The following CREB5 variants were observed in gnomAD, a reference collection of about 807,000 sequenced individuals.
The protein encoded by CREB5 is cAMP responsive element binding protein 5, also known as cyclic AMP-responsive element-binding protein 5.
CREB5 carries 19 observed loss-of-function variants against 57.1 expected under a neutral mutation model. The observed-to-expected ratio is 0.33, with a 90% CI of 0.23 to 0.49. The LOEUF is 0.49. Among genes scored for constraint, CREB5 ranks in the 20% least tolerant of loss-of-function variants. The probability of loss-of-function intolerance (pLI) is 0.99; values close to 1 mark genes in which losing one functional copy is unlikely to be tolerated. For synonymous variants in CREB5, 238 were observed against 238.3 expected, an observed-to-expected ratio of 1.00 and a Z score of 0.01; for missense variants, 579 against 671.6, an observed-to-expected ratio of 0.86 and a Z score of 1.52.
chr7:28,754,649 T>G (rs1241439699), intron 7 of CREB5, among the ~76,000 whole-genome samples: 1 of 152,192 alleles, frequency 6.6e-6, no homozygotes, highest in Admixed American at 6.5e-5. Flanking sequence ...ATAAGTTGGT[T>G]GCCAAGAGCA....
At chr7:28,534,498 G>C (rs1793872482) in intron 4 of CREB5, among the ~76,000 whole-genome samples, 1 of 152,174 alleles carries the variant, frequency 6.6e-6, no homozygotes, top group African/African-American at 2.4e-5. Context: ...CTGTAATCGT[G>C]GGGCCTCTCA....
intron 7 of CREB5, among the ~76,000 whole-genome samples, chr7:28,758,578 GT>G (rs1805471269): frequency 6.6e-6 from 1 of 152,170 alleles, no homozygotes. Flanking sequence ...TGCACTACCA[GT>G]CAGTAGGTCA....
chr7:28,336,690 T>C (rs2079992), intron 1 of CREB5, among the ~76,000 whole-genome samples: 120,159 of 151,964 alleles, frequency 0.79, 47,728 homozygotes, highest in African/African-American at 0.86. Flanking sequence ...TACAAATTCA[T>C]TTATTTCTGC....
intron 1 of CREB5, among the ~76,000 whole-genome samples, chr7:28,456,637 G>T (rs1790104680): frequency 6.6e-6 from 1 of 152,210 alleles, no homozygotes. Context: ...GGATGTTGTT[G>T]TAGTTCCAAA....
chr7:28,621,396 A>G (rs62443821), intron 5 of CREB5, among the ~76,000 whole-genome samples: 40,781 of 152,154 alleles, frequency 0.27, 6,859 homozygotes, highest in Non-Finnish European at 0.39. Flanking sequence ...TACAAGCACA[A>G]TGGAATGTGT....
chr7:28,645,669 G>A (rs1172337873), intron 5 of CREB5, among the ~76,000 whole-genome samples: 1 of 152,186 alleles, frequency 6.6e-6, no homozygotes, highest in East Asian at 1.9e-4. Context: ...GTATGTACTA[G>A]GAGATAAATG....
Position 28,371,236 on chromosome 7 carries a change from C to T in CREB5, c.-25+71795C>T, listed in dbSNP as rs544121552. On this transcript the variant is annotated intron_variant, in intron 1 of 9. Transcript: ENST00000396299. ...CTGTAATCCCAGCACTTTGGGAGGCCGAGGTGGGAGGATCACAAGGTCAAG... is the reference window on the plus strand; with the variant it reads ...CTGTAATCCCAGCACTTTGGGAGGCTGAGGTGGGAGGATCACAAGGTCAAG... 1.2e-3 allele frequency among the ~76,000 whole-genome samples: 182 copies of T among 151,674 alleles called. 1 individual carries two copies. The highest frequency in any genetic ancestry group is 4.1e-3 in the African/African-American group (169 of 41,322).
At chr7:28,532,307 A>G (rs934704149) in intron 4 of CREB5, among the ~76,000 whole-genome samples, 22 of 152,244 alleles carry the variant, frequency 1.4e-4, no homozygotes, top group African/African-American at 5.3e-4. Context: ...CTGCAACCTC[A>G]TAAGAGTGCC....
At chr7:28,404,637 A>G (rs369161270) in intron 1 of CREB5, among the ~76,000 whole-genome samples, 2 of 152,200 alleles carry the variant, frequency 1.3e-5, no homozygotes, top group South Asian at 4.1e-4. Context: ...AGTGAGCCTT[A>G]AACCAAATAT....
intron 5 of CREB5, among the ~76,000 whole-genome samples, chr7:28,588,141 A>G (rs1366182198): frequency 6.6e-6 from 1 of 152,158 alleles, no homozygotes; most frequent in African/African-American, 2.4e-5. Context: ...CAGCATTCTA[A>G]TTTTGGTCTC....
chr7:28,560,891 T>TGCGCGCGCGCGCGCGC (rs1314317818), intron 4 of CREB5, among the ~76,000 whole-genome samples: 1 of 19,726 alleles, frequency 5.1e-5, no homozygotes, highest in Non-Finnish European at 9.3e-5. Context: ...TGCGTGCGTG[T>TGCGCGCGCGCGCGCGC]GTGTGCGTGC....
intron 1 of CREB5, among the ~76,000 whole-genome samples, chr7:28,380,824 G>C (rs755404652): frequency 2.6e-5 from 4 of 152,158 alleles, no homozygotes; most frequent in African/African-American, 9.7e-5. Context: ...CTCATGTGTA[G>C]AAATAGGGAC....
At chr7:28,762,461 C>T (rs777351894) in intron 7 of CREB5, among the ~76,000 whole-genome samples, 1 of 152,106 alleles carries the variant, frequency 6.6e-6, no homozygotes, top group Admixed American at 6.5e-5. Flanking sequence ...TAAAATTGTA[C>T]GTGCAGCATT....
chr7:28,604,728 AT>A lies in CREB5; in HGVS notation c.464+34199del, dbSNP rs565134748. Among the ~76,000 whole-genome samples, 4 of 151,804 alleles carry A rather than the reference AT, an allele frequency of 2.6e-5. No homozygotes were observed. The South Asian group carries it at 8.3e-4, about 32-fold the overall frequency. ...GATTGTTTTCTGTTTCTTGTCCAAGATTTTTTTTGTCCATTATGATACTATA... is the reference window on the plus strand; with the variant it reads ...GATTGTTTTCTGTTTCTTGTCCAAGATTTTTTTGTCCATTATGATACTATA... On this transcript the variant is annotated intron_variant, in intron 5 of 10. Coordinates refer to ENST00000357727, the MANE Select transcript of CREB5 (RefSeq NM_182898.4).
chr7:28,394,237 T>C (rs767493635), intron 1 of CREB5, among the ~76,000 whole-genome samples: 33 of 151,696 alleles, frequency 2.2e-4, no homozygotes, highest in Non-Finnish European at 4.7e-4. Flanking sequence ...TTCCATTAAA[T>C]ACAGAGAAGG....
intron 1 of CREB5, among the ~76,000 whole-genome samples, chr7:28,321,945 A>G (rs1785501973): frequency 6.6e-6 from 1 of 152,210 alleles, no homozygotes. Context: ...CATTTTGGTT[A>G]TTAAGTGATT....
rs781219951 is a variant in CREB5, at chr7:28,494,944, C to A, written c.114C>A (p.His38Gln). 3.1e-6 allele frequency: 5 copies of A among 1,608,246 alleles called. No homozygotes were observed. Among genetic ancestry groups the A allele is most frequent in the Non-Finnish European group, 4.2e-6 (5 of 1,178,808 alleles). The part of the protein sequence containing the change: ...PTEDHLMIHR[H>Q]KHEMTLKFPS... Reference sequence around the variant, plus strand: ...AGGACCATCTGATGATTCATAGGCACAAACATGAAATGACTTTGAAGTTTC... The same window carrying A: ...AGGACCATCTGATGATTCATAGGCAAAAACATGAAATGACTTTGAAGTTTC... The change falls in exon 3 of 11, where the codon CAC (histidine) becomes CAA (glutamine). Residue 38 changes from histidine (H) to glutamine (Q), a missense_variant. Physicochemically the swap from His to Gln is conservative, Grantham distance 24. This residue lies in a region of CREB5 where 459 missense variants were observed against 515.7 expected (regional missense o/e 0.89). Coordinates refer to ENST00000357727, the MANE Select transcript of CREB5 (RefSeq NM_182898.4).
Position 28,421,833 on chromosome 7 carries a change from TAC to T in CREB5, c.3+8929_3+8930del, listed in dbSNP as rs1287450376. ...CATATATATAGTGTGCATATATATA[TAC>T]ACACACACACACTCTCTCTCTCTAT... On this transcript the variant is annotated intron_variant, in intron 1 of 10. Transcript: ENST00000357727. 2.0e-4 allele frequency among the ~76,000 whole-genome samples: 6 copies of T among 29,476 alleles called. No homozygotes were observed. The South Asian group carries it at 4.0e-3, about 20-fold the overall frequency. The allele number at this position is 29,476 out of a possible 152,430, so 19.3% of individuals were successfully genotyped here.
chr7:28,594,899 T>C (rs905217319), intron 5 of CREB5, among the ~76,000 whole-genome samples: 2 of 152,162 alleles, frequency 1.3e-5, no homozygotes, highest in Non-Finnish European at 2.9e-5. Flanking sequence ...ACTTCCACTA[T>C]ACAAGGTCAC....
Sources: gnomAD v4.1 joint callset for allele counts (sites outside exome capture counted in the v4.1 genomes callset) on GRCh38, gnomAD v4.1.1 for gene constraint, gnomAD v4.1.1 regional missense constraint, MANE v1.5 for transcripts, NCBI Gene and HGNC (gene_info 2026-07-23, HGNC 2026-07-21) for gene names.